PDE4D: variants seen among roughly 807,000 people sequenced by gnomAD.
PDE4D encodes phosphodiesterase 4D.
PDE4D carries 24 observed loss-of-function variants against 87.4 expected under a neutral mutation model. The observed-to-expected ratio is 0.27, with a 90% CI of 0.20 to 0.39. The LOEUF is 0.39. PDE4D is among the 10% of genes least tolerant of loss of function. The probability of loss-of-function intolerance (pLI) is 1.00; values close to 1 mark genes in which losing one functional copy is unlikely to be tolerated. For synonymous variants in PDE4D, 384 were observed against 383.2 expected (o/e 1.00, Z -0.02); for missense variants, 714 against 1,041.0 (o/e 0.69, Z 4.32).
chr5:59,695,756 C>A (rs1199239464), intron 1 of PDE4D, among the ~76,000 whole-genome samples: 1 of 151,782 alleles, frequency 6.6e-6, no homozygotes, highest in African/African-American at 2.4e-5. Context: ...CATGAGCCAC[C>A]ACACCTGGCT....
At chr5:59,882,767 CTTCT>C (rs1242011263) in intron 1 of PDE4D, among the ~76,000 whole-genome samples, 1 of 135,956 alleles carries the variant, frequency 7.4e-6, no homozygotes, top group Non-Finnish European at 1.5e-5. Flanking sequence ...TTCTCCTTTC[CTTCT>C]TTTTTTTTTT....
At chr5:59,296,814 A>T (rs1014720703) in intron 1 of PDE4D, among the ~76,000 whole-genome samples, 1 of 152,058 alleles carries the variant, frequency 6.6e-6, no homozygotes, top group African/African-American at 2.4e-5. Context: ...CATGCACGTA[A>T]AAAGCAAGGT....
intron 1 of PDE4D, among the ~76,000 whole-genome samples, chr5:60,345,311 G>A (rs1422361390): frequency 1.3e-5 from 2 of 151,986 alleles, no homozygotes; most frequent in East Asian, 1.9e-4. Context: ...TGGGGGAAGG[G>A]GGAGAGGGAA....
upstream of PDE4D, chr5:59,893,896 G>T: frequency 9.5e-7 from 1 of 1,055,506 alleles, no homozygotes; most frequent in Non-Finnish European, 1.2e-6. Flanking sequence ...AGACTAGGGT[G>T]CGCGGTGCCC....
At chr5:59,561,482 G>A (rs1247265176) in intron 1 of PDE4D, among the ~76,000 whole-genome samples, 1 of 152,084 alleles carries the variant, frequency 6.6e-6, no homozygotes, top group Non-Finnish European at 1.5e-5. Context: ...TTTTGGAAGT[G>A]GTAATTAACA....
intron 5 of PDE4D, among the ~76,000 whole-genome samples, chr5:59,152,732 A>T (rs1411869843): frequency 6.6e-6 from 1 of 151,952 alleles, no homozygotes; most frequent in Admixed American, 6.6e-5. Context: ...TAAAGCCCCT[A>T]GTGTTCTTGG....
At chr5:59,312,992 A>G (rs1183840377) in intron 1 of PDE4D, among the ~76,000 whole-genome samples, 4 of 152,132 alleles carry the variant, frequency 2.6e-5, no homozygotes, top group Non-Finnish European at 4.4e-5. Context: ...GCTGGAGATA[A>G]GTCCCACTGG....
chr5:60,488,964 A>G (rs961304062), upstream of PDE4D, among the ~76,000 whole-genome samples: 1 of 152,234 alleles, frequency 6.6e-6, no homozygotes, highest in Non-Finnish European at 1.5e-5. Flanking sequence ...TCTTTACAAT[A>G]GTATCCTTAT....
chr5:59,079,848 G>GGAGAGGAGAGGAGAGGTGA (rs1561447222), intron 5 of PDE4D, among the ~76,000 whole-genome samples: 1 of 97,910 alleles, frequency 1.0e-5, no homozygotes. Flanking sequence ...GGGAGAGGAG[G>GGAGAGGAGAGGAGAGGTGA]GGAGAGGAGA....
At chr5:59,810,641 C>A (rs1426988801) in intron 1 of PDE4D, among the ~76,000 whole-genome samples, 1 of 152,204 alleles carries the variant, frequency 6.6e-6, no homozygotes, top group East Asian at 1.9e-4. Flanking sequence ...CTCCCTGGCT[C>A]CTTCCAGGTC....
intron 1 of PDE4D, among the ~76,000 whole-genome samples, chr5:59,371,944 G>A (rs1237646458): frequency 6.6e-6 from 1 of 152,124 alleles, no homozygotes; most frequent in African/African-American, 2.4e-5. Context: ...GAACCTCCTG[G>A]GGCTGTATAA....
intron 5 of PDE4D, among the ~76,000 whole-genome samples, chr5:59,069,512 C>CTT (rs61429511): frequency 0.017 from 2,444 of 142,520 alleles, 28 homozygotes; most frequent in Middle Eastern, 0.043. Context: ...GAACAAGAAG[C>CTT]TTTTTTTTTT....
intron 6 of PDE4D, among the ~76,000 whole-genome samples, chr5:59,010,034 C>A (rs1477352396): frequency 6.6e-6 from 1 of 152,118 alleles, no homozygotes; most frequent in Admixed American, 6.5e-5. Flanking sequence ...TTGTGAAAAG[C>A]CTTTAGGTTG....
At chr5:59,717,956 T>A (rs1755264966) in intron 1 of PDE4D, among the ~76,000 whole-genome samples, 2 of 152,222 alleles carry the variant, frequency 1.3e-5, no homozygotes, top group Admixed American at 6.5e-5. Context: ...ATAAAAATCT[T>A]CTGAATATGC....
At chr5:59,767,710 AAAGG>A (rs1762975124) in intron 1 of PDE4D, among the ~76,000 whole-genome samples, 1 of 152,172 alleles carries the variant, frequency 6.6e-6, no homozygotes, top group Non-Finnish European at 1.5e-5. Context: ...TTTCCTTTGG[AAAGG>A]CATGTTTAAG....
intron 1 of PDE4D, among the ~76,000 whole-genome samples, chr5:60,296,529 A>G (rs189459456): frequency 2.5e-4 from 38 of 152,362 alleles, no homozygotes; most frequent in Admixed American, 5.2e-4. Flanking sequence ...AATAAGTACC[A>G]TAAGTGCTTT....
intron 5 of PDE4D, among the ~76,000 whole-genome samples, chr5:59,050,930 T>C (rs1356741087): frequency 1.3e-5 from 2 of 152,242 alleles, no homozygotes; most frequent in African/African-American, 4.8e-5. Context: ...AATAAGTTAA[T>C]TTTAAATAAG....
intron 1 of PDE4D, among the ~76,000 whole-genome samples, chr5:59,555,228 T>C (rs1049762013): frequency 6.6e-6 from 1 of 152,178 alleles, no homozygotes; most frequent in African/African-American, 2.4e-5. Flanking sequence ...GGCATTATCC[T>C]TAGCAAACTA....
intron 1 of PDE4D, among the ~76,000 whole-genome samples, chr5:59,882,392 A>G (rs906198359): frequency 2.0e-5 from 3 of 152,080 alleles, no homozygotes; most frequent in African/African-American, 7.2e-5. Context: ...GAAGAGTCCA[A>G]ACTTTTACTT....
Sources: allele counts gnomAD v4.1 joint callset (sites outside exome capture counted in the v4.1 genomes callset), GRCh38; gene constraint gnomAD v4.1.1; transcripts MANE v1.5; gene names NCBI Gene and HGNC (gene_info 2026-07-23, HGNC 2026-07-21).